The following NEDD1 variants were observed in gnomAD, a reference collection of about 807,000 sequenced individuals.
The protein encoded by NEDD1 is NEDD1 gamma-tubulin ring complex targeting factor, also known as protein NEDD1.
In NEDD1, 33 loss-of-function variants were observed where a neutral mutation model predicts 74.0. The observed-to-expected ratio is 0.45, with a 90% CI of 0.34 to 0.60. The LOEUF is 0.60. NEDD1 is among the 20% of genes least tolerant of loss of function. NEDD1 has a pLI of 0.01. For synonymous variants in NEDD1, 250 were observed against 264.4 expected (o/e 0.95, Z 0.53); for missense variants, 746 against 776.5 (o/e 0.96, Z 0.47).
At chr12:96,920,485 A>C (rs1445209098) in intron 6 of NEDD1, among the ~76,000 whole-genome samples, 1 of 152,130 alleles carries the variant, frequency 6.6e-6, no homozygotes, top group Non-Finnish European at 1.5e-5. Context: ...AGACAGATAC[A>C]CTCATAAATA....
rs1376882698 is a variant in NEDD1, at chr12:96,907,273, C to G, written c.-289C>G. The G allele has an allele frequency of 4.0e-6, 1 of 253,022 alleles. No individual in the cohort carries two copies. Among genetic ancestry groups the G allele is most frequent in the Non-Finnish European group, 7.4e-6 (1 of 134,420 alleles). 15.7% of individuals were successfully genotyped at this position (253,022 alleles called of 1,614,324 possible). ...CGGAAGCCCAGCGCGGAGCCGGCCGCGGCCCCCTGTTGTGTTGCTGCGGAG... is the reference window on the plus strand; with the variant it reads ...CGGAAGCCCAGCGCGGAGCCGGCCGGGGCCCCCTGTTGTGTTGCTGCGGAG... On this transcript the variant is annotated 5_prime_UTR_variant, in exon 1 of 16. Transcript: ENST00000266742.
chr12:96,937,441 GTT>G (rs67367047), intron 9 of NEDD1, 48 bp downstream of exon 9: 1 of 1,030,220 alleles, frequency 9.7e-7, no homozygotes, highest in Non-Finnish European at 1.4e-6. Flanking sequence ...TTTTTTTTTT[GTT>G]TTTTTGTTTT....
chr12:96,945,353 T>G (rs1306592506), intron 13 of NEDD1, among the ~76,000 whole-genome samples: 5 of 152,138 alleles, frequency 3.3e-5, no homozygotes, highest in Non-Finnish European at 7.4e-5. Flanking sequence ...TTCCTTCGGT[T>G]TGTTTTTAAT....
In NEDD1 at chr12:96,940,555, A is replaced by G; in HGVS notation, c.1246+18A>G. The stretch of plus-strand genomic sequence containing the variant: ...CAGAGATGGTAAGTCTGTTCAGAGG[A>G]TCCTGTTCTCTTGCTGGTAGTTAAT... On this transcript the variant is annotated intron_variant, in intron 10 of 15. Coordinates refer to ENST00000266742, the MANE Select transcript of NEDD1 (RefSeq NM_152905.4). 1 of 1,563,144 alleles carries G rather than the reference A, an allele frequency of 6.4e-7. No homozygotes were observed. The highest frequency in any genetic ancestry group is 8.7e-7 in the Non-Finnish European group (1 of 1,146,706).
chr12:96,924,112 A>G (rs908692088), intron 6 of NEDD1, among the ~76,000 whole-genome samples: 1 of 152,146 alleles, frequency 6.6e-6, no homozygotes, highest in Non-Finnish European at 1.5e-5. Flanking sequence ...TACCAATGTT[A>G]TTTATTACAA....
chr12:96,923,043 GGAGGTT>G (rs1248677380), intron 6 of NEDD1, among the ~76,000 whole-genome samples: 2 of 152,086 alleles, frequency 1.3e-5, no homozygotes, highest in East Asian at 3.9e-4. Flanking sequence ...CTTGAGCCTG[GGAGGTT>G]GAGGCTGCAG....
chr12:96,943,598 C>A lies in NEDD1; in HGVS notation c.1333C>A (p.Pro445Thr). The change falls in exon 12 of 16, where the codon CCA becomes ACA. Residue 445 changes from proline (P) to threonine (T), a missense_variant. Transcript: ENST00000266742. ...FLPQLNSVFPPRKNPVTSSTS... is the reference protein window; with the variant it reads ...FLPQLNSVFPTRKNPVTSSTS... ...ACCGCAGTTGAACTCAGTGTTTCCT[C>A]CAAGAAAAAATCCAGTAACTTCAAG... 1 of 1,613,250 alleles carries A rather than the reference C, an allele frequency of 6.2e-7. No homozygotes were observed. The highest frequency in any genetic ancestry group is 8.5e-7 in the Non-Finnish European group (1 of 1,179,380).
At chr12:96,935,321 A>G (rs74829058) in intron 7 of NEDD1, 116 bp downstream of exon 7, 10,072 of 647,030 alleles carry the variant, frequency 0.016, 296 homozygotes, top group African/African-American at 0.096. Flanking sequence ...TAAAGTTTGT[A>G]CAGTTGATGG....
At position 96,907,290 on chromosome 12, in the gene NEDD1, G is replaced by A. The variant is rs1217419808; in HGVS notation, c.-272G>A. On this transcript the variant is annotated 5_prime_UTR_variant, in exon 1 of 16. Transcript: ENST00000266742. Reference sequence around the variant, plus strand: ...GCCGGCCGCGGCCCCCTGTTGTGTTGCTGCGGAGAGGTGAGGTTCCGGAGG... The same window carrying A: ...GCCGGCCGCGGCCCCCTGTTGTGTTACTGCGGAGAGGTGAGGTTCCGGAGG... The A allele has an allele frequency of 1.0e-5, 3 of 294,134 alleles. No homozygotes were observed. Among genetic ancestry groups the A allele is most frequent in the Non-Finnish European group, 1.2e-5 (2 of 160,946 alleles). The allele number at this position is 294,134 out of a possible 1,614,324, so 18.2% of individuals were successfully genotyped here. A position where few individuals can be genotyped will look rare whatever the true frequency, so the allele number is the denominator to read the frequency against.
chr12:96,933,213 A>G (rs1338776407), intron 6 of NEDD1, among the ~76,000 whole-genome samples: 1 of 152,152 alleles, frequency 6.6e-6, no homozygotes, highest in East Asian at 1.9e-4. Flanking sequence ...TGCTGTTGCT[A>G]AGAGGTTAAA....
chr12:96,940,594 C>T, intron 10 of NEDD1, 57 bp downstream of exon 10: 2 of 1,301,216 alleles, frequency 1.5e-6, no homozygotes, highest in Non-Finnish European at 2.1e-6. Flanking sequence ...TTTATTCTGG[C>T]TAAAAGATGT....
chr12:96,909,414 A>C (rs1873664516), intron 2 of NEDD1, among the ~76,000 whole-genome samples: 1 of 152,178 alleles, frequency 6.6e-6, no homozygotes, highest in African/African-American at 2.4e-5. Context: ...GCAGCAAATG[A>C]AAAGACACTG....
chr12:96,913,472 C>A (rs934570337), intron 4 of NEDD1, among the ~76,000 whole-genome samples: 4 of 151,990 alleles, frequency 2.6e-5, no homozygotes, highest in African/African-American at 7.3e-5. Context: ...CTCCCCAGTT[C>A]AAGCGATTCT....
chr12:96,938,659 A>G (rs1026967309), intron 9 of NEDD1, among the ~76,000 whole-genome samples: 8 of 152,052 alleles, frequency 5.3e-5, no homozygotes, highest in African/African-American at 1.4e-4. Context: ...AAAATTAACA[A>G]TGTTTGTGTA....
intron 10 of NEDD1, among the ~76,000 whole-genome samples, chr12:96,940,886 G>A (rs932171684): frequency 3.9e-5 from 6 of 151,950 alleles, no homozygotes; most frequent in Non-Finnish European, 8.8e-5. Context: ...ATGCAAAAAA[G>A]TCTTCCTAAT....
intron 3 of NEDD1, among the ~76,000 whole-genome samples, chr12:96,911,686 T>G (rs1274657051): frequency 6.6e-6 from 1 of 152,216 alleles, no homozygotes; most frequent in Non-Finnish European, 1.5e-5. Flanking sequence ...AGTCCTTTTT[T>G]TTCTATATTC....
chr12:96,945,852 A>ATT lies in NEDD1; in HGVS notation c.1811+3_1811+4insTT. The ATT allele has an allele frequency of 6.3e-7, 1 of 1,590,724 alleles. No individual in the cohort carries two copies. Among genetic ancestry groups the ATT allele is most frequent in the Non-Finnish European group, 8.6e-7 (1 of 1,160,944 alleles). On this transcript the variant is annotated splice_donor_region_variant and intron_variant, in intron 14 of 15. Coordinates refer to ENST00000266742, the MANE Select transcript of NEDD1 (RefSeq NM_152905.4). Reference sequence around the variant, plus strand: ...CAGGAAACGTTGGATGACTTTAGGTAGTAATTGAGAAACTACTCCTTCTAT... The same window carrying ATT: ...CAGGAAACGTTGGATGACTTTAGGTATTGTAATTGAGAAACTACTCCTTCTAT...
chr12:96,944,430 T>C (rs1283655453), intron 12 of NEDD1, among the ~76,000 whole-genome samples: 2 of 152,010 alleles, frequency 1.3e-5, no homozygotes, highest in African/African-American at 4.8e-5. Context: ...TTTCCTCATG[T>C]TATTGTTGAG....
intron 6 of NEDD1, among the ~76,000 whole-genome samples, chr12:96,934,207 CT>C (rs34653282): frequency 4.7e-4 from 70 of 147,926 alleles, no homozygotes; most frequent in Middle Eastern, 3.5e-3. Context: ...AATATTATTG[CT>C]TTTTTTTTTT....
Sources: allele counts gnomAD v4.1 joint callset (sites outside exome capture counted in the v4.1 genomes callset), GRCh38; gene constraint gnomAD v4.1.1; transcripts MANE v1.5; gene names NCBI Gene and HGNC (gene_info 2026-07-23, HGNC 2026-07-21).